The following RGN variants were observed in gnomAD, a reference collection of about 807,000 sequenced individuals.
The protein encoded by RGN is regucalcin.
Under a neutral mutation model 20.6 loss-of-function variants are expected in RGN, and 19 were observed. The ratio of observed to expected loss-of-function variants is 0.92; its 90% CI spans 0.64 to 1.35. RGN has a LOEUF of 1.35. Among genes scored for constraint, RGN ranks in the 40% most tolerant of loss-of-function variants. The pLI, the probability that RGN is intolerant of heterozygous loss-of-function variation, is 0.00. For missense variants in RGN, 302 were observed against 232.7 expected (o/e 1.30, Z -1.94); for synonymous variants, 85 against 87.2 (o/e 0.97, Z 0.14).
At chrX:47,090,623 C>G (rs1342371057) in intron 5 of RGN, among the ~76,000 whole-genome samples, 1 of 109,623 alleles carries the variant, frequency 9.1e-6, no homozygotes, top group Non-Finnish European at 1.9e-5. Flanking sequence ...GGTGCCAAAC[C>G]TTTTATGAAA....
chrX:47,084,246 T>C (rs903860722), intron 3 of RGN, among the ~76,000 whole-genome samples, 172 bp from the exon 4 acceptor site: 6 of 111,382 alleles, frequency 5.4e-5, no homozygotes, highest in Admixed American at 9.6e-5. Context: ...AAATTCATAC[T>C]CAACAAATGT....
At chrX:47,089,532 A>ATATACATATTATATATACT (rs1930809685) in intron 4 of RGN, among the ~76,000 whole-genome samples, 4 of 33,251 alleles carry the variant, frequency 1.2e-4, no homozygotes, top group Non-Finnish European at 2.0e-4. Context: ...ATATATACTC[A>ATATACATATTATATATACT]TATATATACA....
In RGN at chrX:47,080,299, A is replaced by AT. The variant is rs1386916110; in HGVS notation, c.-635-12dup. ...CTCTCCCACATGGGATTCTTATCTGATTTTTTCTCCTTTTCAGATAATTTT... is the reference window on the plus strand; with the variant it reads ...CTCTCCCACATGGGATTCTTATCTGATTTTTTTCTCCTTTTCAGATAATTTT... On this transcript the variant is annotated splice_polypyrimidine_tract_variant and intron_variant, in intron 1 of 7. Transcript: ENST00000397180. 5.4e-5 allele frequency: 6 copies of AT among 111,632 alleles called. No individual in the cohort carries two copies. The highest frequency in any genetic ancestry group is 2.8e-4 in the East Asian group (1 of 3,552). The allele number at this position is 111,632 out of a possible 1,213,427, so 9.2% of individuals were successfully genotyped here. A position where few individuals can be genotyped will look rare whatever the true frequency, so the allele number is the denominator to read the frequency against.
intron 4 of RGN, among the ~76,000 whole-genome samples, chrX:47,086,775 GAGAGA>G (rs1930615502): frequency 1.9e-5 from 2 of 103,805 alleles, no homozygotes; most frequent in African/African-American, 7.5e-5. Flanking sequence ...GAGAGAGAGA[GAGAGA>G]GAGAAAGAGA....
chrX:47,082,926 C>G (rs1436553798), intron 3 of RGN, among the ~76,000 whole-genome samples: 1 of 110,266 alleles, frequency 9.1e-6, no homozygotes, highest in Non-Finnish European at 1.9e-5. Context: ...CCCTTGATGG[C>G]TCCAATCAAA....
In RGN at chrX:47,092,051, G is replaced by T. The variant is rs1931037247; in HGVS notation, c.695-10G>T. 1 of 1,193,754 alleles carries T rather than the reference G, an allele frequency of 8.4e-7. No homozygotes were observed. Among genetic ancestry groups the T allele is most frequent in the East Asian group, 3.0e-5 (1 of 33,734 alleles). ...CAACTAAACTTAAAATAAAATATTTGGTGGTCTAGGGAAAAGACTTCAAAC... is the reference window on the plus strand; with the variant it reads ...CAACTAAACTTAAAATAAAATATTTTGTGGTCTAGGGAAAAGACTTCAAAC... On this transcript the variant is annotated splice_polypyrimidine_tract_variant and intron_variant, in intron 6 of 7. Coordinates refer to ENST00000397180, the MANE Select transcript of RGN (RefSeq NM_152869.4).
At position 47,090,898 on chromosome X, in the gene RGN, A is replaced by AAAGAAAGAAAG. The variant is rs1569540699; in HGVS notation, c.563-774_563-764dup. On this transcript the variant is annotated intron_variant, in intron 5 of 7. Transcript: ENST00000397180. ...AGAAAGAAAGAAAAGAAGAAGAAAG[A>AAAGAAAGAAAG]AAGAAAGAAAGAAGAAGGAAAGAAA... 1.5e-4 allele frequency among the ~76,000 whole-genome samples: 8 copies of AAAGAAAGAAAG among 53,469 alleles called. 1 individual carries two copies. Among genetic ancestry groups the AAAGAAAGAAAG allele is most frequent in the Non-Finnish European group, 3.3e-4 (8 of 24,594 alleles). The allele number at this position is 53,469 out of a possible 115,157, so 46.4% of individuals were successfully genotyped here. A position where few individuals can be genotyped will look rare whatever the true frequency, so the allele number is the denominator to read the frequency against.
chrX:47,084,346 G>T, intron 3 of RGN, 72 bp from the exon 4 acceptor site: 1 of 941,240 alleles, frequency 1.1e-6, no homozygotes, highest in East Asian at 3.4e-5. Flanking sequence ...GAGATGCCAG[G>T]TAGCACAGTG....
chrX:47,087,507 T>A (rs1930648137), intron 4 of RGN: 1 of 111,747 alleles, frequency 8.9e-6, no homozygotes, highest in South Asian at 3.7e-4. Flanking sequence ...GACAGTTCTG[T>A]GCTCGCTTCA....
chrX:47,089,686 C>A, intron 4 of RGN, 90 bp from the exon 5 acceptor site: 1 of 593,227 alleles, frequency 1.7e-6, no homozygotes, highest in Non-Finnish European at 2.6e-6. Flanking sequence ...TTGATTTAAT[C>A]ACTGGAAAGG....
At chrX:47,089,518 TATTATATATACTCA>T (rs1556386096) in intron 4 of RGN, among the ~76,000 whole-genome samples, 8 of 39,657 alleles carry the variant, frequency 2.0e-4, no homozygotes, top group African/African-American at 6.8e-4. Context: ...TATATATACA[TATTATATATACTCA>T]TATATATACA....
chrX:47,079,427 T>C (rs1470433101), intron 1 of RGN, among the ~76,000 whole-genome samples: 2 of 109,281 alleles, frequency 1.8e-5, no homozygotes, highest in African/African-American at 6.7e-5. Flanking sequence ...TTTTGTTTTT[T>C]TGTTTTTTTG....
At chrX:47,089,516 C>A (rs1754489933) in intron 4 of RGN, among the ~76,000 whole-genome samples, 2 of 35,218 alleles carry the variant, frequency 5.7e-5, no homozygotes, top group Non-Finnish European at 9.9e-5. Context: ...CTTATATATA[C>A]ATATTATATA....
Position 47,089,889 on chromosome X carries a change from A to G in RGN, c.460A>G (p.Asn154Asp), listed in dbSNP as rs371270982. 2.5e-6 allele frequency: 3 copies of G among 1,206,069 alleles called. No individual in the cohort carries two copies. Among genetic ancestry groups the G allele is most frequent in the African/African-American group, 3.5e-5 (2 of 56,463 alleles). The change falls in exon 5 of 8, where the codon AAT becomes GAT. Residue 154 changes from asparagine (N) to aspartate (D), a missense_variant. Transcript: ENST00000397180. ...GTACTTTGACCAGGTGGACATTTCC[A>G]ATGGTTTGGATTGGTCGCTAGACCA... ...KKYFDQVDISNGLDWSLDHKI... is the reference protein window; with the variant it reads ...KKYFDQVDISDGLDWSLDHKI...
rs192317673 is a variant in RGN, at chrX:47,089,841, T to C, written c.412T>C (p.Phe138Leu). The change falls in exon 5 of 8, where the codon TTT (phenylalanine) becomes CTT (leucine). Residue 138 changes from phenylalanine to leucine, a missense_variant. Physicochemically the swap from Phe to Leu is conservative, Grantham distance 22. Transcript: ENST00000397180. Reference protein sequence around the residue: ...ERHQGALYSLFPDHHVKKYFD... With the variant: ...ERHQGALYSLLPDHHVKKYFD... ...GCACCAGGGGGCCCTGTACTCCCTC[T>C]TTCCTGATCACCACGTGAAAAAGTA... The C allele has an allele frequency of 3.3e-6, 4 of 1,205,838 alleles. No individual in the cohort carries two copies. Among genetic ancestry groups the C allele is most frequent in the African/African-American group, 1.8e-5 (1 of 56,113 alleles).
At chrX:47,092,785 T>A (rs920472771) in intron 7 of RGN, 112 bp from the exon 8 acceptor site, 13 of 606,369 alleles carry the variant, frequency 2.1e-5, no homozygotes. Context: ...TGATAGGAGA[T>A]AAAACAAAGA....
intron 4 of RGN, among the ~76,000 whole-genome samples, chrX:47,086,323 T>C (rs782563404): frequency 5.0e-4 from 56 of 111,755 alleles, no homozygotes; most frequent in Non-Finnish European, 8.6e-4. Context: ...TCGTTAGTGA[T>C]TTTGATCACC....
At chrX:47,090,042 G>C (rs782161700) in intron 5 of RGN, 51 bp downstream of exon 5, 1 of 947,518 alleles carries the variant, frequency 1.1e-6, no homozygotes. Flanking sequence ...GTTTTCATAT[G>C]TTTGTGACTA....
At chrX:47,084,734 G>A (rs960571426) in intron 4 of RGN, 134 bp downstream of exon 4, 21 of 513,798 alleles carry the variant, frequency 4.1e-5, no homozygotes, top group Admixed American at 3.3e-4. Context: ...CGAGTAGGTC[G>A]CATGAGCCCA....
Sources: gnomAD v4.1 joint callset for allele counts (sites outside exome capture counted in the v4.1 genomes callset) on GRCh38, gnomAD v4.1.1 for gene constraint, MANE v1.5 for transcripts, NCBI Gene and HGNC (gene_info 2026-07-23, HGNC 2026-07-21) for gene names.